Variants in SLC22A3 observed in about 807,000 individuals in gnomAD.
The protein encoded by SLC22A3 is solute carrier family 22 member 3.
Under a neutral mutation model 59.1 loss-of-function variants are expected in SLC22A3, and 51 were observed. That is an observed-to-expected ratio of 0.86 (90% CI 0.69 to 1.09). The LOEUF is 1.09. SLC22A3 is among the 50% of genes least tolerant of loss of function. SLC22A3 has a pLI of 0.00. For synonymous variants in SLC22A3, 325 were observed against 292.0 expected, an observed-to-expected ratio of 1.11 and a Z score of -1.15; for missense variants, 711 against 726.3, an observed-to-expected ratio of 0.98 and a Z score of 0.24.
intron 1 of SLC22A3, among the ~76,000 whole-genome samples, chr6:160,357,437 C>A (rs1198371600): frequency 6.6e-6 from 1 of 152,160 alleles, no homozygotes; most frequent in Non-Finnish European, 1.5e-5. Context: ...AAATGAAAGA[C>A]AACATGTGTG....
At chr6:160,396,990 G>A (rs1223137643) in intron 1 of SLC22A3, among the ~76,000 whole-genome samples, 1 of 152,108 alleles carries the variant, frequency 6.6e-6, no homozygotes, top group African/African-American at 2.4e-5. Flanking sequence ...GAAAAAAATT[G>A]ATGTCAAATT....
At chr6:160,366,912 G>A (rs543257226) in intron 1 of SLC22A3, among the ~76,000 whole-genome samples, 20 of 152,162 alleles carry the variant, frequency 1.3e-4, no homozygotes, top group African/African-American at 3.6e-4. Context: ...TGTCTTTTGA[G>A]CCCTCCAAGT....
At chr6:160,351,202 G>A (rs1339166381) in intron 1 of SLC22A3, among the ~76,000 whole-genome samples, 4 of 152,198 alleles carry the variant, frequency 2.6e-5, no homozygotes, top group East Asian at 1.9e-4. Context: ...TGCAAGCTCC[G>A]CCTCCCAGGT....
intron 5 of SLC22A3, among the ~76,000 whole-genome samples, chr6:160,414,120 A>AGGG (rs764390484): frequency 6.6e-6 from 1 of 152,204 alleles, no homozygotes; most frequent in Non-Finnish European, 1.5e-5. Context: ...CAAGTTTAAT[A>AGGG]TTTCTGGCAA....
intron 1 of SLC22A3, among the ~76,000 whole-genome samples, chr6:160,394,395 G>T (rs1044229877): frequency 3.3e-5 from 5 of 152,118 alleles, no homozygotes; most frequent in Admixed American, 6.5e-5. Flanking sequence ...AAGATACATC[G>T]CAGGCCCAGA....
At chr6:160,410,623 A>G (rs1351650455) in intron 4 of SLC22A3, 106 bp from the exon 5 acceptor site, 11 of 767,804 alleles carry the variant, frequency 1.4e-5, no homozygotes, top group Non-Finnish European at 2.2e-5. Context: ...TGACTCCTAA[A>G]TGTATATCTA....
Position 160,404,540 on chromosome 6 carries a change from A to G in SLC22A3, c.534-2501A>G, listed in dbSNP as rs1786924884. On this transcript the variant is annotated intron_variant, in intron 2 of 10. Transcript: ENST00000275300. ...TCCCAACTTGATGTATATATTCAAT[A>G]CAATACTAATCAAAATCCTACAGAG... is the stretch of plus-strand genomic sequence containing the variant. 2.0e-5 allele frequency among the ~76,000 whole-genome samples: 3 copies of G among 152,142 alleles called. No homozygotes were observed. In the East Asian group the frequency reaches 5.8e-4, roughly 29 times the overall value.
chr6:160,378,434 C>A (rs1235174630), intron 1 of SLC22A3, among the ~76,000 whole-genome samples: 1 of 152,120 alleles, frequency 6.6e-6, no homozygotes, highest in East Asian at 1.9e-4. Context: ...CGTGTTACTG[C>A]ATGTTCTGAC....
At chr6:160,362,164 G>A (rs920130526) in intron 1 of SLC22A3, among the ~76,000 whole-genome samples, 1 of 152,196 alleles carries the variant, frequency 6.6e-6, no homozygotes, top group Non-Finnish European at 1.5e-5. Flanking sequence ...GGGATGCTGC[G>A]ACCTCAGAAC....
At position 160,393,463 on chromosome 6, in the gene SLC22A3, C is replaced by A. The variant is rs1314669764; in HGVS notation, c.430-4516C>A. Among the ~76,000 whole-genome samples, 3 of 145,324 alleles carry A rather than the reference C, an allele frequency of 2.1e-5. No homozygotes were observed. In the East Asian group the frequency reaches 6.1e-4, roughly 29 times the overall value. ...CCTCCCCCTACCACACAACAGTCCC[C>A]AGTGTGTGATGTTCCCCTTCCTGTG... is the stretch of plus-strand genomic sequence containing the variant. On this transcript the variant is annotated intron_variant, in intron 1 of 10. Coordinates refer to ENST00000275300, the MANE Select transcript of SLC22A3 (RefSeq NM_021977.4).
chr6:160,428,599 TG>T (rs1788046002), intron 5 of SLC22A3, among the ~76,000 whole-genome samples: 1 of 152,240 alleles, frequency 6.6e-6, no homozygotes, highest in South Asian at 2.1e-4. Context: ...TTGGATTAAA[TG>T]AAAAGTATTA....
At chr6:160,360,942 T>C (rs1310391403) in intron 1 of SLC22A3, among the ~76,000 whole-genome samples, 1 of 152,112 alleles carries the variant, frequency 6.6e-6, no homozygotes, top group Non-Finnish European at 1.5e-5. Context: ...CAGAAGCAGG[T>C]AAATCATTCT....
chr6:160,413,914 G>T (rs530279843), intron 5 of SLC22A3, among the ~76,000 whole-genome samples: 1 of 152,196 alleles, frequency 6.6e-6, no homozygotes, highest in African/African-American at 2.4e-5. Flanking sequence ...ATCTCTTTGG[G>T]TTTATTTAAT....
chr6:160,387,473 A>G (rs1786068251), intron 1 of SLC22A3, among the ~76,000 whole-genome samples: 2 of 152,332 alleles, frequency 1.3e-5, no homozygotes, highest in South Asian at 2.1e-4. Flanking sequence ...ATACATGTAG[A>G]CCCAATCTCA....
At chr6:160,356,565 A>G (rs1784848370) in intron 1 of SLC22A3, among the ~76,000 whole-genome samples, 1 of 152,190 alleles carries the variant, frequency 6.6e-6, no homozygotes. Flanking sequence ...AGGGAGGAGC[A>G]CTGAAGGGCC....
At chr6:160,406,909 A>G in intron 2 of SLC22A3, 132 bp from the exon 3 acceptor site, 3 of 1,130,938 alleles carry the variant, frequency 2.7e-6, no homozygotes, top group South Asian at 4.0e-5. Context: ...TGTCTCTACA[A>G]AACATCTTTA....
intron 10 of SLC22A3, among the ~76,000 whole-genome samples, chr6:160,449,125 G>GA (rs1261366163): frequency 6.6e-6 from 1 of 152,020 alleles, no homozygotes; most frequent in Non-Finnish European, 1.5e-5. Flanking sequence ...AACTCATCAG[G>GA]AAAAAATGGA....
intron 1 of SLC22A3, among the ~76,000 whole-genome samples, chr6:160,366,405 G>A (rs893959943): frequency 6.6e-6 from 1 of 152,224 alleles, no homozygotes; most frequent in African/African-American, 2.4e-5. Flanking sequence ...GGCTCCCACA[G>A]CCTTGGACGG....
At chr6:160,388,566 T>C (rs1373678670) in intron 1 of SLC22A3, among the ~76,000 whole-genome samples, 1 of 152,244 alleles carries the variant, frequency 6.6e-6, no homozygotes, top group African/African-American at 2.4e-5. Context: ...TAAGTTGCTG[T>C]ATGTTTCTCA....
Sources: allele counts gnomAD v4.1 joint callset (sites outside exome capture counted in the v4.1 genomes callset), GRCh38; gene constraint gnomAD v4.1.1; transcripts MANE v1.5; gene names NCBI Gene and HGNC (gene_info 2026-07-23, HGNC 2026-07-21).